The following LUZP2 variants were observed in gnomAD, a reference collection of about 807,000 sequenced individuals.
LUZP2 encodes the protein leucine zipper protein 2.
LUZP2 carries 52 observed loss-of-function variants against 51.6 expected under a neutral mutation model. The ratio of observed to expected loss-of-function variants is 1.01; its 90% CI spans 0.81 to 1.27. The LOEUF (loss-of-function observed/expected upper bound fraction) is 1.27. Ranked by LOEUF, LUZP2 falls within the 50% of genes most tolerant of loss-of-function variation. The pLI is 0.00. For missense variants in LUZP2, 436 were observed against 395.4 expected, an observed-to-expected ratio of 1.10 and a Z score of -0.87; for synonymous variants, 154 against 137.3, an observed-to-expected ratio of 1.12 and a Z score of -0.85.
intron 4 of LUZP2, among the ~76,000 whole-genome samples, chr11:24,748,031 C>T (rs1424155788): frequency 6.6e-6 from 1 of 152,150 alleles, no homozygotes; most frequent in Non-Finnish European, 1.5e-5. Context: ...CCTGTGGAGT[C>T]TGCAAGCTGG....
chr11:24,652,425 A>G (rs897505726), intron 1 of LUZP2, among the ~76,000 whole-genome samples: 12 of 152,114 alleles, frequency 7.9e-5, no homozygotes, highest in Non-Finnish European at 8.8e-5. Flanking sequence ...TCAATCTTAG[A>G]TGGACTATGA....
intron 4 of LUZP2, among the ~76,000 whole-genome samples, chr11:24,741,264 G>T (rs954886411): frequency 6.6e-6 from 1 of 151,880 alleles, no homozygotes; most frequent in African/African-American, 2.4e-5. Flanking sequence ...GTCTTTATGG[G>T]AATCAGACAT....
Position 24,981,581 on chromosome 11 carries a change from C to A in LUZP2, c.598-1545C>A, listed in dbSNP as rs955321105. 2.2e-4 allele frequency among the ~76,000 whole-genome samples: 33 copies of A among 151,746 alleles called. 1 individual carries two copies. The highest frequency in any genetic ancestry group is 7.5e-4 in the African/African-American group (31 of 41,350). The stretch of plus-strand genomic sequence containing the variant: ...TGCAGCCCAGTAGGTCTAAGCCCAG[C>A]CTCTATTCAAGATGGAGTTGCTCTG... On this transcript the variant is annotated intron_variant, in intron 8 of 11. Transcript: ENST00000336930.
At chr11:24,964,663 A>T (rs1055197346) in intron 7 of LUZP2, among the ~76,000 whole-genome samples, 13 of 152,048 alleles carry the variant, frequency 8.5e-5, no homozygotes, top group African/African-American at 2.4e-5. Flanking sequence ...AGCAATTACT[A>T]CCTCCTAGAA....
At chr11:25,005,957 A>C (rs559521398) in intron 9 of LUZP2, among the ~76,000 whole-genome samples, 1 of 152,254 alleles carries the variant, frequency 6.6e-6, no homozygotes, top group South Asian at 2.1e-4. Flanking sequence ...GTGGAGGGCC[A>C]AACCCTGAGT....
intron 5 of LUZP2, among the ~76,000 whole-genome samples, chr11:24,817,464 T>C (rs2134149839): frequency 6.6e-6 from 1 of 152,048 alleles, no homozygotes; most frequent in East Asian, 1.9e-4. Context: ...CTCAGAGAGG[T>C]ACAAGAGCCC....
intron 1 of LUZP2, among the ~76,000 whole-genome samples, chr11:24,616,476 T>TGC (rs1854294369): frequency 1.4e-4 from 4 of 28,164 alleles, no homozygotes; most frequent in African/African-American, 1.1e-3. Context: ...GGCGTGCGCA[T>TGC]GTGTGTGTGT....
In LUZP2 at chr11:24,894,560, T is replaced by G. The variant is rs1042458548; in HGVS notation, c.397-11431T>G. Among the ~76,000 whole-genome samples, 10 of 152,070 alleles carry G rather than the reference T, an allele frequency of 6.6e-5. 1 individual carries two copies. In the East Asian group the frequency reaches 1.9e-3, roughly 29 times the overall value. On this transcript the variant is annotated intron_variant, in intron 5 of 11. Transcript: ENST00000336930. ...TATTGTGTGATGCTGAAGGTGAGCA[T>G]AGTACCCAGTAGTTTTTTTTTTTTT...
At chr11:24,694,547 T>C (rs529349125) in intron 1 of LUZP2, among the ~76,000 whole-genome samples, 136 of 152,172 alleles carry the variant, frequency 8.9e-4, no homozygotes, top group African/African-American at 3.1e-3. Flanking sequence ...GAAATACCAT[T>C]TGACCCAGCA....
At chr11:25,020,094 A>G (rs1330141441) in intron 9 of LUZP2, among the ~76,000 whole-genome samples, 3 of 152,076 alleles carry the variant, frequency 2.0e-5, no homozygotes, top group Non-Finnish European at 4.4e-5. Context: ...AAAATTTAAC[A>G]TATTTTCTAA....
In LUZP2 at chr11:25,050,133, A is replaced by G; in HGVS notation, c.858+3A>G. The G allele has an allele frequency of 6.3e-7, 1 of 1,576,026 alleles. No homozygotes were observed. The highest frequency in any genetic ancestry group is 1.2e-5 in the South Asian group (1 of 86,414). ...CCACTGCCTGTGACTCTCAAGATGT[A>G]AGAAAAACTTAAGATGCTTTTTACA... On this transcript the variant is annotated splice_donor_region_variant and intron_variant, in intron 10 of 11. Coordinates refer to ENST00000336930, the MANE Select transcript of LUZP2 (RefSeq NM_001009909.4).
chr11:24,763,061 T>A (rs1191462462), intron 4 of LUZP2, 185 bp from the exon 5 acceptor site: 13 of 514,158 alleles, frequency 2.5e-5, no homozygotes, highest in Non-Finnish European at 3.3e-5. Flanking sequence ...GATATTTTAA[T>A]ATAATCAATG....
intron 9 of LUZP2, among the ~76,000 whole-genome samples, chr11:24,988,801 T>C (rs1293453206): frequency 1.3e-5 from 2 of 152,042 alleles, no homozygotes; most frequent in Non-Finnish European, 2.9e-5. Flanking sequence ...GTGCTATATT[T>C]CTTTTAGTTA....
At chr11:24,692,465 A>G (rs1857104420) in intron 1 of LUZP2, among the ~76,000 whole-genome samples, 1 of 152,082 alleles carries the variant, frequency 6.6e-6, no homozygotes, top group Non-Finnish European at 1.5e-5. Flanking sequence ...CAAGTTTTCA[A>G]AGAAAGAAAA....
intron 5 of LUZP2, among the ~76,000 whole-genome samples, chr11:24,774,356 C>A (rs1428750802): frequency 7.8e-4 from 64 of 82,288 alleles, no homozygotes; most frequent in African/African-American, 3.2e-3. Flanking sequence ...CTCTCTCTCT[C>A]TCTCTCTATA....
chr11:24,717,879 C>CTAAGGG (rs57860751), intron 1 of LUZP2, among the ~76,000 whole-genome samples: 3 of 152,052 alleles, frequency 2.0e-5, no homozygotes, highest in African/African-American at 7.3e-5. Flanking sequence ...TGTTAGTTTG[C>CTAAGGG]TAATAGCCTC....
chr11:24,792,137 A>G (rs1245127332), intron 5 of LUZP2, among the ~76,000 whole-genome samples: 3 of 152,080 alleles, frequency 2.0e-5, no homozygotes, highest in South Asian at 2.1e-4. Flanking sequence ...TCAAAGAAAT[A>G]TAACTTTATG....
intron 1 of LUZP2, among the ~76,000 whole-genome samples, chr11:24,584,208 A>AT (rs999635972): frequency 2.6e-5 from 4 of 152,108 alleles, no homozygotes; most frequent in African/African-American, 9.7e-5. Context: ...GACAGACCAA[A>AT]TGAAGCCTGC....
chr11:24,975,365 C>A (rs1024610991), intron 7 of LUZP2, among the ~76,000 whole-genome samples: 1 of 151,996 alleles, frequency 6.6e-6, no homozygotes, highest in Non-Finnish European at 1.5e-5. Context: ...TCAGCAGATA[C>A]CACAATCAAC....
Sources: gnomAD v4.1 joint callset for allele counts (sites outside exome capture counted in the v4.1 genomes callset) on GRCh38, gnomAD v4.1.1 for gene constraint, MANE v1.5 for transcripts, NCBI Gene and HGNC (gene_info 2026-07-23, HGNC 2026-07-21) for gene names.